Variants in ANKHD1 observed in about 807,000 individuals in gnomAD.
The protein encoded by ANKHD1 is ankyrin repeat and KH domain-containing protein 1.
Under a neutral mutation model 230.5 loss-of-function variants are expected in ANKHD1, and 31 were observed. That is an observed-to-expected ratio of 0.13 (90% CI 0.10 to 0.18). The LOEUF is 0.18. Among genes scored for constraint, ANKHD1 ranks in the 10% least tolerant of loss-of-function variants. The pLI, the probability that ANKHD1 is intolerant of heterozygous loss-of-function variation, is 1.00. For missense variants in ANKHD1, 2,256 were observed against 3,071.3 expected (o/e 0.73, Z 6.27); for synonymous variants, 1,074 against 1,117.6 (o/e 0.96, Z 0.78).
intron 1 of ANKHD1, among the ~76,000 whole-genome samples, chr5:140,403,588 T>C (rs1770169542): frequency 6.6e-6 from 1 of 152,070 alleles, no homozygotes. Context: ...ATATTTTGTA[T>C]TTTTTAGTAA....
At position 140,539,351 on chromosome 5, in the gene ANKHD1, C is replaced by T. The variant is rs1224785005; in HGVS notation, c.7570-8C>T. 1.9e-6 allele frequency: 3 copies of T among 1,612,722 alleles called. No homozygotes were observed. Among genetic ancestry groups the T allele is most frequent in the African/African-American group, 2.7e-5 (2 of 74,876 alleles). The stretch of plus-strand genomic sequence containing the variant: ...TTAGAAATTCCAATTTTTCCTCCCC[C>T]TTTTCAGATTTGGCCTGGCACGTGG... On this transcript the variant is annotated splice_polypyrimidine_tract_variant and splice_region_variant and intron_variant, in intron 33 of 33. Transcript: ENST00000360839.
chr5:140,427,164 C>T (rs1450417647), intron 1 of ANKHD1, among the ~76,000 whole-genome samples: 5 of 150,094 alleles, frequency 3.3e-5, no homozygotes, highest in African/African-American at 7.4e-5. Context: ...CCCCACCTCC[C>T]TCCCGGACGG....
chr5:140,514,039 G>A (rs1043071405), intron 24 of ANKHD1, among the ~76,000 whole-genome samples: 2 of 151,678 alleles, frequency 1.3e-5, no homozygotes, highest in Non-Finnish European at 2.9e-5. Context: ...TTAAAAAACA[G>A]TTGGGCATGG....
At chr5:140,415,502 G>A (rs143594899) in intron 1 of ANKHD1, among the ~76,000 whole-genome samples, 3,079 of 144,670 alleles carry the variant, frequency 0.021, 112 homozygotes, top group African/African-American at 0.073. Context: ...ACAATGGTGC[G>A]ATCTCGGCTC....
At chr5:140,530,160 T>TA (rs1300842385) in intron 29 of ANKHD1, among the ~76,000 whole-genome samples, 1 of 152,072 alleles carries the variant, frequency 6.6e-6, no homozygotes, top group African/African-American at 2.4e-5. Context: ...TACTCTTGTT[T>TA]ATTTTAGGTA....
chr5:140,454,625 C>T (rs1321555606), intron 7 of ANKHD1, among the ~76,000 whole-genome samples: 21 of 152,048 alleles, frequency 1.4e-4, no homozygotes, highest in African/African-American at 9.7e-5. Flanking sequence ...GGGCACATAA[C>T]GAAATGAAGG....
At chr5:140,473,463 C>T (rs1385735145) in intron 10 of ANKHD1, among the ~76,000 whole-genome samples, 1 of 151,220 alleles carries the variant, frequency 6.6e-6, no homozygotes. Context: ...TTTTTTGAGA[C>T]AGGGTCTCAC....
rs1215852799 is a variant in ANKHD1, at chr5:140,528,475, C to A, written c.5529C>A (p.Phe1843Leu). The A allele has an allele frequency of 1.2e-6, 2 of 1,614,022 alleles. No individual in the cohort carries two copies. Among genetic ancestry groups the A allele is most frequent in the Non-Finnish European group, 1.7e-6 (2 of 1,180,046 alleles). Residue 1843 changes from phenylalanine to leucine, a missense_variant, in exon 29 of 34, where the codon TTC becomes TTA. Transcript: ENST00000360839. ...TTCCAACAAATGTACGTTCTTCTTT[C>A]CCAGTTTCTCTACCCTTAGCTTATC... is the stretch of plus-strand genomic sequence containing the variant. ...KNVPTNVRSS[F>L]PVSLPLAYPH...
chr5:140,465,329 A>G (rs1266159015), intron 10 of ANKHD1, among the ~76,000 whole-genome samples: 2 of 152,202 alleles, frequency 1.3e-5, no homozygotes, highest in Non-Finnish European at 2.9e-5. Flanking sequence ...ACATTCCTAC[A>G]AATTCTATTC....
rs571424707 is a variant in ANKHD1 at position 140,452,077 on chromosome 5, C to T, written c.1242+2772C>T. On this transcript the variant is annotated intron_variant, in intron 7 of 33. Transcript: ENST00000360839. The stretch of plus-strand genomic sequence containing the variant: ...TACGGCACACCAGGAGATTATATCC[C>T]GCGCGTGGCTCAAAGGGTCCCACAC... 1.2e-4 allele frequency among the ~76,000 whole-genome samples: 18 copies of T among 152,288 alleles called. No individual in the cohort carries two copies. The East Asian group carries it at 2.1e-3, about 18-fold the overall frequency.
rs912619815 is a variant in ANKHD1, at chr5:140,528,795, C to G, written c.5849C>G (p.Thr1950Ser). ...GCTGCCAGTCAGCAACTGTGTGTCA[C>G]TAATACCCGGACTCCTTCATCAGTC... ...VVAASQQLCVTNTRTPSSVRK... is the reference protein window; with the variant it reads ...VVAASQQLCVSNTRTPSSVRK... Residue 1950 changes from threonine to serine, a missense_variant, in exon 29 of 34, where the codon ACT becomes AGT. Thr to Ser is a moderately conservative substitution (Grantham distance 58). Around this residue, in one of 13 missense-constraint regions of ANKHD1, gnomAD observed 778 missense variants for 966.5 expected, o/e 0.80. Coordinates refer to ENST00000360839, the MANE Select transcript of ANKHD1 (RefSeq NM_017747.3). 14 of 1,614,006 alleles carry G rather than the reference C, an allele frequency of 8.7e-6. No individual in the cohort carries two copies. In the Admixed American group the frequency reaches 1.8e-4, roughly 21 times the overall value.
Position 140,529,186 on chromosome 5 carries a change from G to A in ANKHD1, c.6240G>A (p.Glu2080=), listed in dbSNP as rs1483984090. The part of the protein sequence containing the change: ...PTPTSSNTQE[E]AQPSSVSDLS... ...CTACTTCCAGTAACACACAAGAGGA[G>A]GCACAGCCATCCAGTGTGTCTGATT... Residue 2080 remains glutamate (E), a synonymous_variant, in exon 29 of 34, where the codon GAG becomes GAA. Transcript: ENST00000360839. 1 of 1,614,200 alleles carries A rather than the reference G, an allele frequency of 6.2e-7. No individual in the cohort carries two copies. The highest frequency in any genetic ancestry group is 1.1e-5 in the South Asian group (1 of 91,086).
chr5:140,493,803 G>T (rs927622581), intron 14 of ANKHD1, among the ~76,000 whole-genome samples: 1 of 152,120 alleles, frequency 6.6e-6, no homozygotes, highest in Non-Finnish European at 1.5e-5. Flanking sequence ...GTAATCTTGT[G>T]TTCCACGCTT....
At chr5:140,475,319 T>TA (rs1421805064) in intron 10 of ANKHD1, among the ~76,000 whole-genome samples, 2 of 152,028 alleles carry the variant, frequency 1.3e-5, no homozygotes, top group Admixed American at 6.6e-5. Flanking sequence ...AATTAAGGGC[T>TA]AAAAAAATAC....
intron 9 of ANKHD1, among the ~76,000 whole-genome samples, chr5:140,462,858 T>G (rs1775813608): frequency 2.6e-5 from 4 of 152,074 alleles, no homozygotes; most frequent in South Asian, 2.1e-4. Flanking sequence ...TGTTTGGTTT[T>G]GTTTTGAGAC....
rs1581188752 is a variant in ANKHD1 at position 140,402,231 on chromosome 5, T to C, written c.264T>C (p.Gly88=). The C allele has an allele frequency of 4.0e-6, 6 of 1,514,918 alleles. No homozygotes were observed. The highest frequency in any genetic ancestry group is 5.3e-6 in the Non-Finnish European group (6 of 1,136,718). The allele number at this position is 1,514,918 out of a possible 1,614,324, so 93.8% of individuals were successfully genotyped here. Residue 88 remains glycine, a synonymous_variant, in exon 1 of 34, where the codon GGT becomes GGC. Coordinates refer to ENST00000360839, the MANE Select transcript of ANKHD1 (RefSeq NM_017747.3). ...KLAAAVLRTG[G]GGGASGSDED... ...CGGCTGCCGTGCTGAGGACCGGGGG[T>C]GGAGGTGGTGCCTCTGGCAGTGACG...
chr5:140,424,307 AATATCTTGTTC>A (rs1045924603), intron 1 of ANKHD1, among the ~76,000 whole-genome samples: 1 of 152,070 alleles, frequency 6.6e-6, no homozygotes, highest in Non-Finnish European at 1.5e-5. Flanking sequence ...TCATCTAGAC[AATATCTTGTTC>A]TGTCATCCAG....
At chr5:140,468,710 C>T (rs184747472) in intron 10 of ANKHD1, among the ~76,000 whole-genome samples, 4 of 152,178 alleles carry the variant, frequency 2.6e-5, no homozygotes, top group South Asian at 2.1e-4. Flanking sequence ...AACATCTTTC[C>T]GTGTTCCAGT....
chr5:140,428,186 A>G (rs1236623610), intron 1 of ANKHD1, among the ~76,000 whole-genome samples: 1 of 146,220 alleles, frequency 6.8e-6, no homozygotes, highest in Admixed American at 6.8e-5. Context: ...CTCACATCCC[A>G]GACGATGGGC....
Sources: gnomAD v4.1 joint callset for allele counts (sites outside exome capture counted in the v4.1 genomes callset) on GRCh38, gnomAD v4.1.1 for gene constraint, gnomAD v4.1.1 regional missense constraint, MANE v1.5 for transcripts, NCBI Gene and HGNC (gene_info 2026-07-23, HGNC 2026-07-21) for gene names.